INTS6L: variants seen among roughly 807,000 people sequenced by gnomAD.
The protein encoded by INTS6L is integrator complex subunit 6 like.
In INTS6L, 18 loss-of-function variants were observed where a neutral mutation model predicts 64.7. The observed-to-expected ratio is 0.28, with a 90% CI of 0.19 to 0.41. The LOEUF (loss-of-function observed/expected upper bound fraction) is 0.41, where lower values mean the gene tolerates loss of function less well. Ranked by LOEUF, INTS6L falls within the 10% of genes least tolerant of loss-of-function variation. INTS6L has a pLI of 1.00. For synonymous variants in INTS6L, 227 were observed against 235.9 expected, an observed-to-expected ratio of 0.96 and a Z score of 0.34; for missense variants, 533 against 661.0, an observed-to-expected ratio of 0.81 and a Z score of 2.12.
Position 135,572,846 on chromosome X carries a change from C to T in INTS6L, c.1430C>T (p.Ser477Leu), listed in dbSNP as rs782261612. Residue 477 changes from serine (S) to leucine (L), a missense_variant, in exon 12 of 18, where the codon TCA becomes TTA. By Grantham distance (145) the Ser-to-Leu change is moderately radical. Coordinates refer to ENST00000639893, the MANE Select transcript of INTS6L (RefSeq NM_001351601.3). ...TKLESERILA[S>L]VGKKPPQEIG... ...CTAGAGTCAGAACGAATACTAGCAT[C>T]AGTGGGGAAGAAACCTCCCCAGGAA... is the stretch of plus-strand genomic sequence containing the variant. 8.3e-7 allele frequency: 1 copy of T among 1,209,167 alleles called. No individual in the cohort carries two copies. Among genetic ancestry groups the T allele is most frequent in the African/African-American group, 1.8e-5 (1 of 57,008 alleles).
Position 135,579,987 on chromosome X carries a change from C to T in INTS6L, c.2319C>T (p.Asn773=), listed in dbSNP as rs782288801. ...GGCTGATTCAAAAACCTGGTAGTAACGCATTTGTAGGAGGAGCCAAAAACT... is the reference window on the plus strand; with the variant it reads ...GGCTGATTCAAAAACCTGGTAGTAATGCATTTGTAGGAGGAGCCAAAAACT... The part of the protein sequence containing the change: ...KDGLIQKPGS[N]AFVGGAKNCS... The change falls in exon 16 of 18, where the codon AAC becomes AAT. Residue 773 remains asparagine (N), a synonymous_variant. Coordinates refer to ENST00000639893, the MANE Select transcript of INTS6L (RefSeq NM_001351601.3). The T allele has an allele frequency of 4.1e-6, 5 of 1,211,666 alleles. No individual in the cohort carries two copies. The highest frequency in any genetic ancestry group is 3.0e-5 in the East Asian group (1 of 33,844).
chrX:135,577,302 C>A lies in INTS6L; in HGVS notation c.1994C>A (p.Ser665Tyr), dbSNP rs781839782. 3.3e-6 allele frequency: 4 copies of A among 1,211,359 alleles called. No individual in the cohort carries two copies. In the South Asian group the frequency reaches 7.0e-5, roughly 21 times the overall value. Residue 665 changes from serine (S) to tyrosine (Y), a missense_variant, in exon 15 of 18, where the codon TCC becomes TAC. Transcript: ENST00000639893. ...PMSSKRRRSM[S>Y]LLLRKPQTPP... ...TCATCTAAGAGAAGGCGGAGTATGT[C>A]CCTGCTGTTGAGGAAACCACAAACA... is the stretch of plus-strand genomic sequence containing the variant.
intron 14 of INTS6L, 44 bp from the exon 15 acceptor site, chrX:135,577,149 A>G: frequency 1.7e-6 from 2 of 1,161,040 alleles, no homozygotes; most frequent in Non-Finnish European, 2.3e-6. Flanking sequence ...ATAATAGTGG[A>G]ATTTTGGTCT....
chrX:135,554,310 A>T (rs782121912), intron 8 of INTS6L, among the ~76,000 whole-genome samples: 1 of 111,651 alleles, frequency 9.0e-6, no homozygotes, highest in Admixed American at 9.5e-5. Context: ...TGTGCATGTG[A>T]TTTTTTTTAT....
Position 135,574,080 on chromosome X carries a change from T to A in INTS6L, c.1741+18T>A. The A allele has an allele frequency of 1.7e-6, 2 of 1,162,183 alleles. No homozygotes were observed. The highest frequency in any genetic ancestry group is 2.3e-6 in the Non-Finnish European group (2 of 874,970). ...AGATGAAGGTAAAATAACTGTGAAA[T>A]ACTTTTTTTTTTTTTTTGGAAAATG... is the stretch of plus-strand genomic sequence containing the variant. On this transcript the variant is annotated intron_variant, in intron 13 of 17. Coordinates refer to ENST00000639893, the MANE Select transcript of INTS6L (RefSeq NM_001351601.3).
At chrX:135,550,391 C>G (rs1556516635) in intron 7 of INTS6L, among the ~76,000 whole-genome samples, 2 of 105,761 alleles carry the variant, frequency 1.9e-5, no homozygotes, top group Admixed American at 2.1e-4. Flanking sequence ...GTAGGAGAGG[C>G]TTTGCTATTA....
chrX:135,562,512 G>T (rs987791104), intron 9 of INTS6L, among the ~76,000 whole-genome samples: 4 of 111,803 alleles, frequency 3.6e-5, no homozygotes, highest in Non-Finnish European at 7.5e-5. Context: ...GTGTTAAATT[G>T]TTCCTGTTGG....
intron 2 of INTS6L, among the ~76,000 whole-genome samples, chrX:135,534,439 A>T (rs1328070972): frequency 9.0e-6 from 1 of 110,780 alleles, no homozygotes; most frequent in Non-Finnish European, 1.9e-5. Flanking sequence ...CTTTGTTAAA[A>T]AGTAGAAGAC....
At chrX:135,525,466 T>C (rs1442557242) in intron 2 of INTS6L, among the ~76,000 whole-genome samples, 1 of 112,483 alleles carries the variant, frequency 8.9e-6, no homozygotes, top group East Asian at 2.8e-4. Flanking sequence ...ATATCCTAAG[T>C]CTGTAATTTG....
intron 4 of INTS6L, 89 bp downstream of exon 4, chrX:135,546,558 T>A (rs2086361696): frequency 1.0e-6 from 1 of 993,770 alleles, no homozygotes; most frequent in Non-Finnish European, 1.4e-6. Flanking sequence ...AACAGTAAGT[T>A]TGGTCAAATC....
chrX:135,559,454 T>G (rs1287872081), intron 9 of INTS6L, among the ~76,000 whole-genome samples: 2 of 112,301 alleles, frequency 1.8e-5, no homozygotes, highest in African/African-American at 6.5e-5. Flanking sequence ...TTCCTTCAGG[T>G]TGTTGCAAGT....
rs2148673580 is a variant in INTS6L, at chrX:135,575,195, C to T, written c.1853C>T (p.Thr618Ile). 8 of 1,210,946 alleles carry T rather than the reference C, an allele frequency of 6.6e-6. No homozygotes were observed. The highest frequency in any genetic ancestry group is 8.9e-6 in the Non-Finnish European group (8 of 895,205). The change falls in exon 14 of 18, where the codon ACT becomes ATT. Residue 618 changes from threonine (T) to isoleucine (I), a missense_variant. Transcript: ENST00000639893. Reference sequence around the variant, plus strand: ...CCAGACCAACCCAAAAGACTGCATACTTTTGGCAATCCGTTTAAACAAGAT... The same window carrying T: ...CCAGACCAACCCAAAAGACTGCATATTTTTGGCAATCCGTTTAAACAAGAT... ...IDPDQPKRLH[T>I]FGNPFKQDKK...
chrX:135,564,947 A>T (rs1556524194), intron 9 of INTS6L, among the ~76,000 whole-genome samples: 1 of 111,137 alleles, frequency 9.0e-6, no homozygotes, highest in Non-Finnish European at 1.9e-5. Flanking sequence ...GCCTTCATTG[A>T]CACCAAAAGG....
At chrX:135,579,187 G>A (rs1300709277) in intron 15 of INTS6L, among the ~76,000 whole-genome samples, 2 of 111,872 alleles carry the variant, frequency 1.8e-5, no homozygotes, top group Non-Finnish European at 3.8e-5. Context: ...TCCAGCTCCC[G>A]ACACACTGCC....
intron 2 of INTS6L, among the ~76,000 whole-genome samples, chrX:135,538,122 C>T (rs1556510066): frequency 8.9e-6 from 1 of 112,099 alleles, no homozygotes; most frequent in African/African-American, 3.2e-5. Flanking sequence ...GTGAACGCTT[C>T]CTTTCAGGAA....
At chrX:135,555,215 T>C (rs1236099004) in intron 8 of INTS6L, among the ~76,000 whole-genome samples, 1 of 111,271 alleles carries the variant, frequency 9.0e-6, no homozygotes, top group African/African-American at 3.3e-5. Flanking sequence ...ATAAGAGAAA[T>C]GCCTTCCAGG....
At chrX:135,539,395 G>C (rs1054091042) in intron 2 of INTS6L, among the ~76,000 whole-genome samples, 4 of 111,989 alleles carry the variant, frequency 3.6e-5, no homozygotes, top group African/African-American at 1.3e-4. Flanking sequence ...TAGAGTTGAA[G>C]ATTCATTCCA....
Position 135,546,568 on chromosome X carries a change from C to T in INTS6L, c.429+99C>T, listed in dbSNP as rs1602895868. On this transcript the variant is annotated intron_variant, in intron 4 of 17. Coordinates refer to ENST00000639893, the MANE Select transcript of INTS6L (RefSeq NM_001351601.3). ...CAGTTAACAGTAAGTTTGGTCAAAT[C>T]ATCCATCTTGGTAATCCTTGAAAGA... 26 of 994,608 alleles carry T rather than the reference C, an allele frequency of 2.6e-5. No homozygotes were observed. In the East Asian group the frequency reaches 8.3e-4, roughly 32 times the overall value. 82.0% of individuals were successfully genotyped at this position (994,608 alleles called of 1,213,427 possible). A position where few individuals can be genotyped will look rare whatever the true frequency, so the allele number is the denominator to read the frequency against.
chrX:135,578,975 G>A (rs1354449131), intron 15 of INTS6L, among the ~76,000 whole-genome samples: 3 of 111,492 alleles, frequency 2.7e-5, no homozygotes, highest in Non-Finnish European at 5.7e-5. Flanking sequence ...CTGCACGGCT[G>A]GCCTCTGTCA....
Sources: gnomAD v4.1 joint callset for allele counts (sites outside exome capture counted in the v4.1 genomes callset) on GRCh38, gnomAD v4.1.1 for gene constraint, MANE v1.5 for transcripts, NCBI Gene and HGNC (gene_info 2026-07-23, HGNC 2026-07-21) for gene names.